Variants in ROCK1 observed in about 807,000 individuals in gnomAD.
The protein encoded by ROCK1 is Rho associated coiled-coil containing protein kinase 1, also known as rho-associated protein kinase 1.
A neutral mutation model predicts 196.8 loss-of-function variants in ROCK1; 36 were observed. That is an observed-to-expected ratio of 0.18 (90% CI 0.14 to 0.24). The LOEUF is 0.24. Ranked by LOEUF, ROCK1 falls within the 10% of genes least tolerant of loss-of-function variation. The pLI, the probability that ROCK1 is intolerant of heterozygous loss-of-function variation, is 1.00. For synonymous variants in ROCK1, 443 were observed against 515.9 expected (o/e 0.86, Z 1.91); for missense variants, 920 against 1,562.0 (o/e 0.59, Z 6.93).
intron 4 of ROCK1, among the ~76,000 whole-genome samples, chr18:21,046,752 T>A (rs1435672825): frequency 6.6e-6 from 1 of 152,206 alleles, no homozygotes; most frequent in Non-Finnish European, 1.5e-5. Flanking sequence ...GAGAAGATGA[T>A]CTCTAATTTA....
At chr18:20,986,120 C>T (rs899156440) in intron 19 of ROCK1, among the ~76,000 whole-genome samples, 2 of 152,158 alleles carry the variant, frequency 1.3e-5, no homozygotes, top group African/African-American at 2.4e-5. Context: ...CTCAGCCTCC[C>T]GAAGTGCTGG....
chr18:21,039,709 G>C lies in ROCK1; in HGVS notation c.960-146C>G, dbSNP rs1355823622. ...AAATTATATTGTCAGCATAGTATCA[G>C]CCCAAATAGAAAATATGTTAAAGAT... On this transcript the variant is annotated intron_variant, in intron 8 of 32. Coordinates refer to ENST00000399799, the MANE Select transcript of ROCK1 (RefSeq NM_005406.3). 8.8e-6 allele frequency: 5 copies of C among 567,904 alleles called. No individual in the cohort carries two copies. In the African/African-American group the frequency reaches 9.4e-5, roughly 11 times the overall value. The allele number at this position is 567,904 out of a possible 1,614,324, so 35.2% of individuals were successfully genotyped here. A position where few individuals can be genotyped will look rare whatever the true frequency, so the allele number is the denominator to read the frequency against.
intron 18 of ROCK1, among the ~76,000 whole-genome samples, chr18:20,987,873 C>A (rs1480833325): frequency 6.6e-6 from 1 of 152,186 alleles, no homozygotes; most frequent in African/African-American, 2.4e-5. Flanking sequence ...TCTGTTTAAT[C>A]AAACACAAAT....
At position 21,045,324 on chromosome 18, in the gene ROCK1, C is replaced by T. The variant is rs769485982; in HGVS notation, c.558G>A (p.Leu186=). ...TAAAACCCATGGAATGGATTGCATC[C>T]AATGCAAGAACTACTTCTGCAGTAT... is the stretch of plus-strand genomic sequence containing the variant. ...RFYTAEVVLA[L]DAIHSMGFIH... Residue 186 remains leucine, a synonymous_variant, in exon 5 of 33, where the codon TTG becomes TTA. Transcript: ENST00000399799. 64 of 1,610,366 alleles carry T rather than the reference C, an allele frequency of 4.0e-5. No homozygotes were observed. Among genetic ancestry groups the T allele is most frequent in the Admixed American group, 3.2e-4 (19 of 59,238 alleles).
In ROCK1 at chr18:20,990,319, G is replaced by C. The variant is rs535801215; in HGVS notation, c.2143+857C>G. On this transcript the variant is annotated intron_variant, in intron 18 of 32. Coordinates refer to ENST00000399799, the MANE Select transcript of ROCK1 (RefSeq NM_005406.3). ...TGGATCATAAAGAAAATCAAGGAAA[G>C]GGCTACTAAAAAACAGAGAAAAGAC... 3.3e-5 allele frequency among the ~76,000 whole-genome samples: 5 copies of C among 151,808 alleles called. No individual in the cohort carries two copies. In the South Asian group the frequency reaches 6.2e-4, roughly 19 times the overall value.
chr18:21,020,671 TAAG>T (rs994712364), intron 11 of ROCK1, among the ~76,000 whole-genome samples: 18 of 152,094 alleles, frequency 1.2e-4, no homozygotes, highest in African/African-American at 2.4e-4. Flanking sequence ...GCCTAAAAGA[TAAG>T]AAGAACTGAT....
chr18:21,008,700 CT>C (rs760376082), intron 13 of ROCK1, among the ~76,000 whole-genome samples: 2 of 152,174 alleles, frequency 1.3e-5, no homozygotes, highest in Non-Finnish European at 2.9e-5. Context: ...TGTTTCTGGG[CT>C]TTCTCATCTT....
chr18:21,031,441 A>G (rs142849403), intron 9 of ROCK1, among the ~76,000 whole-genome samples: 270 of 151,570 alleles, frequency 1.8e-3, no homozygotes, highest in African/African-American at 6.2e-3. Context: ...CGTCTCTACT[A>G]AAAAATACAA....
chr18:21,065,362 T>G (rs2036325277), intron 2 of ROCK1, among the ~76,000 whole-genome samples: 2 of 148,702 alleles, frequency 1.3e-5, no homozygotes, highest in African/African-American at 4.9e-5. Context: ...ATCAGTTCTG[T>G]TTTTTTTTTA....
intron 9 of ROCK1, among the ~76,000 whole-genome samples, chr18:21,037,626 T>C (rs2036068539): frequency 2.0e-5 from 3 of 152,092 alleles, no homozygotes; most frequent in African/African-American, 7.2e-5. Context: ...CTCTTAGAAT[T>C]AGGAAAAACT....
At chr18:21,044,563 C>A (rs922213817) in intron 5 of ROCK1, among the ~76,000 whole-genome samples, 5 of 152,156 alleles carry the variant, frequency 3.3e-5, no homozygotes, top group African/African-American at 1.2e-4. Flanking sequence ...TGATCCCTGA[C>A]ATGTAGGCAC....
chr18:21,088,797 A>G (rs1205005836), intron 1 of ROCK1, among the ~76,000 whole-genome samples: 1 of 152,102 alleles, frequency 6.6e-6, no homozygotes, highest in African/African-American at 2.4e-5. Context: ...GTGAGGACAT[A>G]CTGACCCCTC....
Position 21,111,273 on chromosome 18 carries a change from C to A in ROCK1, c.-363G>T. On this transcript the variant is annotated 5_prime_UTR_variant, in exon 1 of 33. Transcript: ENST00000399799. This position sits in a 1 kb window ranked among gnomAD's most constrained non-coding sequence, Gnocchi z 4.2. ...GTCCCCGTCCCGAGATGGGCAGGAG[C>A]GGGTAGAGAAAGAGAAGCAGGGTGG... 4.3e-6 allele frequency: 2 copies of A among 468,642 alleles called. No homozygotes were observed. The highest frequency in any genetic ancestry group is 4.5e-5 in the South Asian group (1 of 21,990). The allele number at this position is 468,642 out of a possible 1,614,324, so 29.0% of individuals were successfully genotyped here.
rs2036626859 is a variant in ROCK1 at position 21,098,117 on chromosome 18, A to ACGG, written c.93+12698_93+12700dup. 2.0e-5 allele frequency among the ~76,000 whole-genome samples: 3 copies of ACGG among 152,316 alleles called. No individual in the cohort carries two copies. In the South Asian group the frequency reaches 6.2e-4, roughly 32 times the overall value. ...AAAAACACCCATGTGCTTCAATGTG[A>ACGG]CGGTGTATGTGCATGGGAGAGCAGG... On this transcript the variant is annotated intron_variant, in intron 1 of 32. Transcript: ENST00000399799.
chr18:21,045,514 C>A (rs768387083), intron 4 of ROCK1, 47 bp from the exon 5 acceptor site: 3 of 1,409,680 alleles, frequency 2.1e-6, no homozygotes, highest in African/African-American at 1.5e-5. Context: ...TAATGTTAAA[C>A]AAAATTGTTT....
intron 1 of ROCK1, among the ~76,000 whole-genome samples, chr18:21,093,301 C>T (rs142593841): frequency 2.2e-4 from 34 of 152,278 alleles, no homozygotes; most frequent in African/African-American, 7.5e-4. Flanking sequence ...ACATCATTTG[C>T]AAAACCTTTG....
intron 32 of ROCK1, among the ~76,000 whole-genome samples, chr18:20,951,663 G>A (rs780455094): frequency 4.6e-5 from 7 of 152,140 alleles, no homozygotes; most frequent in Non-Finnish European, 4.4e-5. Context: ...GCATTCTACA[G>A]AATTAAGTTA....
chr18:21,047,356 C>G (rs1454740906), intron 4 of ROCK1, among the ~76,000 whole-genome samples: 1 of 151,956 alleles, frequency 6.6e-6, no homozygotes, highest in Non-Finnish European at 1.5e-5. Context: ...TGCCAAACAT[C>G]CTAAATAAAC....
chr18:21,000,831 A>G (rs2035717409), intron 16 of ROCK1, among the ~76,000 whole-genome samples: 1 of 152,212 alleles, frequency 6.6e-6, no homozygotes, highest in Admixed American at 6.5e-5. Flanking sequence ...TGGTGCAGCC[A>G]TTGCAGAAAA....
Sources: gnomAD v4.1 joint callset for allele counts (sites outside exome capture counted in the v4.1 genomes callset) on GRCh38, gnomAD v4.1.1 for gene constraint, Gnocchi (gnomAD v3.1) non-coding constraint, MANE v1.5 for transcripts, NCBI Gene and HGNC (gene_info 2026-07-23, HGNC 2026-07-21) for gene names.